Variants in VSIR observed in about 807,000 individuals in gnomAD.
VSIR encodes V-set immunoregulatory receptor.
A neutral mutation model predicts 31.0 loss-of-function variants in VSIR; 10 were observed. The ratio of observed to expected loss-of-function variants is 0.32; its 90% CI spans 0.20 to 0.55. VSIR has a LOEUF of 0.55. VSIR is among the 20% of genes least tolerant of loss of function. VSIR has a pLI of 0.93. For missense variants in VSIR, 356 were observed against 416.2 expected, an observed-to-expected ratio of 0.86 and a Z score of 1.26; for synonymous variants, 179 against 180.1, an observed-to-expected ratio of 0.99 and a Z score of 0.05.
intron 1 of VSIR, among the ~76,000 whole-genome samples, chr10:71,769,575 A>G (rs111625591): frequency 0.49 from 73,838 of 151,628 alleles, 18,966 homozygotes; most frequent in South Asian, 0.66. Flanking sequence ...AAACACCATC[A>G]TGGAATTAAC....
At chr10:71,755,502 A>G (rs1418247570) in intron 3 of VSIR, 36 bp from the exon 4 acceptor site, 1 of 1,563,028 alleles carries the variant, frequency 6.4e-7, no homozygotes, top group Non-Finnish European at 8.7e-7. Context: ...GTGAAGCCCC[A>G]TTCCCATTGC....
intron 1 of VSIR, among the ~76,000 whole-genome samples, chr10:71,762,988 G>A (rs1840433874): frequency 6.6e-6 from 1 of 152,128 alleles, no homozygotes; most frequent in African/African-American, 2.4e-5. Context: ...TTGGATAGAG[G>A]CCGCGTTTCT....
At chr10:71,757,816 A>T (rs1453264453) in intron 3 of VSIR, among the ~76,000 whole-genome samples, 1 of 152,192 alleles carries the variant, frequency 6.6e-6, no homozygotes, top group Non-Finnish European at 1.5e-5. Context: ...GGGTGAAAGC[A>T]GACAGCACAT....
intron 1 of VSIR, among the ~76,000 whole-genome samples, chr10:71,766,551 G>A (rs986432551): frequency 2.0e-5 from 3 of 152,182 alleles, no homozygotes; most frequent in Non-Finnish European, 2.9e-5. Context: ...CTGAGCCTCC[G>A]TTTCTTCATC....
At position 71,748,832 on chromosome 10, in the gene VSIR, C is replaced by G. The variant is rs1385967621; in HGVS notation, c.*2421G>C. 1 of 152,736 alleles carries G rather than the reference C, an allele frequency of 6.5e-6. No individual in the cohort carries two copies. The highest frequency in any genetic ancestry group is 1.9e-4 in the East Asian group (1 of 5,202). The allele number at this position is 152,736 out of a possible 1,614,324, so 9.5% of individuals were successfully genotyped here. A position where few individuals can be genotyped will look rare whatever the true frequency, so the allele number is the denominator to read the frequency against. On this transcript the variant is annotated 3_prime_UTR_variant, in exon 7 of 7. Coordinates refer to ENST00000394957, the MANE Select transcript of VSIR (RefSeq NM_022153.2). ...GCTCCAGCAGCCTGCCCCTCCCCAG[C>G]AGCAGCAGGGAGGGACGTCCCTAGT...
intron 1 of VSIR, among the ~76,000 whole-genome samples, chr10:71,765,655 G>A (rs1205558561): frequency 6.6e-6 from 1 of 152,174 alleles, no homozygotes; most frequent in Non-Finnish European, 1.5e-5. Context: ...GCGGGTGGGT[G>A]CATCAGAGAG....
At chr10:71,769,057 G>C (rs556789511) in intron 1 of VSIR, among the ~76,000 whole-genome samples, 1 of 152,320 alleles carries the variant, frequency 6.6e-6, no homozygotes, top group South Asian at 2.1e-4. Context: ...CAAATGTCAT[G>C]ACCAATGAAA....
rs1299334894 is a variant in VSIR, at chr10:71,751,037, C to T, written c.*216G>A. The T allele has an allele frequency of 1.1e-5, 6 of 543,650 alleles. No individual in the cohort carries two copies. The highest frequency in any genetic ancestry group is 9.8e-5 in the African/African-American group (5 of 51,066). The allele number at this position is 543,650 out of a possible 1,614,324, so 33.7% of individuals were successfully genotyped here. A position where few individuals can be genotyped will look rare whatever the true frequency, so the allele number is the denominator to read the frequency against. On this transcript the variant is annotated 3_prime_UTR_variant, in exon 7 of 7. Transcript: ENST00000394957. This position sits in a 1 kb window ranked among gnomAD's most constrained non-coding sequence, Gnocchi z 4.9. ...GTCTCTAGGGGAGAATCTCAGCACCCCAAAATCCTTGGAACAGGGGCTGAG... is the reference window on the plus strand; with the variant it reads ...GTCTCTAGGGGAGAATCTCAGCACCTCAAAATCCTTGGAACAGGGGCTGAG...
At position 71,755,354 on chromosome 10, in the gene VSIR, C is replaced by T; in HGVS notation, c.676+5G>A. On this transcript the variant is annotated splice_donor_5th_base_variant and intron_variant, in intron 4 of 6. Coordinates refer to ENST00000394957, the MANE Select transcript of VSIR (RefSeq NM_022153.2). ...CACCCACCCCAGGCAGGGAGGAATA[C>T]TCACGGCGGTTGGAGGCTGCCTGCC... 1 of 1,604,056 alleles carries T rather than the reference C, an allele frequency of 6.2e-7. No individual in the cohort carries two copies. Among genetic ancestry groups the T allele is most frequent in the Non-Finnish European group, 8.5e-7 (1 of 1,173,628 alleles).
chr10:71,748,101 G>A lies in VSIR; in HGVS notation c.*3152C>T, dbSNP rs976574419. ...TTAACCCAGCCCCCAGCACAGTCAGGCCAGCCCTGGGGAAGGCCTCATTCA... is the reference window on the plus strand; with the variant it reads ...TTAACCCAGCCCCCAGCACAGTCAGACCAGCCCTGGGGAAGGCCTCATTCA... On this transcript the variant is annotated 3_prime_UTR_variant, in exon 7 of 7. Transcript: ENST00000394957. 7 of 152,022 alleles carry A rather than the reference G, an allele frequency of 4.6e-5. No homozygotes were observed. The highest frequency in any genetic ancestry group is 1.7e-4 in the African/African-American group (7 of 41,292). The allele number at this position is 152,022 out of a possible 1,614,324, so 9.4% of individuals were successfully genotyped here.
Position 71,760,306 on chromosome 10 carries a change from T to C in VSIR, c.568+562A>G, listed in dbSNP as rs571580947. On this transcript the variant is annotated intron_variant, in intron 3 of 6. Transcript: ENST00000394957. ...GTATATATGTGTATATATATGTATA[T>C]ACACACACATATATATATATATATA... is the stretch of plus-strand genomic sequence containing the variant. Among the ~76,000 whole-genome samples the C allele has an allele frequency of 4.6e-5, 4 of 86,496 alleles. 1 individual carries two copies. The highest frequency in any genetic ancestry group is 2.3e-4 in the East Asian group (1 of 4,296). The allele number at this position is 86,496 out of a possible 152,430, so 56.7% of individuals were successfully genotyped here.
At chr10:71,756,362 T>C (rs1345790402) in intron 3 of VSIR, among the ~76,000 whole-genome samples, 1 of 152,154 alleles carries the variant, frequency 6.6e-6, no homozygotes, top group Non-Finnish European at 1.5e-5. Flanking sequence ...TCATTCTGCT[T>C]AGAGTTTTAT....
intron 1 of VSIR, among the ~76,000 whole-genome samples, chr10:71,770,746 C>T (rs1840666717): frequency 6.6e-6 from 1 of 152,220 alleles, no homozygotes; most frequent in Non-Finnish European, 1.5e-5. Flanking sequence ...CAGCAGCACA[C>T]TCCTGCCTGG....
intron 3 of VSIR, among the ~76,000 whole-genome samples, chr10:71,755,761 G>C (rs1387377942): frequency 6.6e-6 from 1 of 152,156 alleles, no homozygotes; most frequent in Non-Finnish European, 1.5e-5. Flanking sequence ...CAGCCCACAA[G>C]GTACAGCTGG....
At position 71,761,670 on chromosome 10, in the gene VSIR, G is replaced by C; in HGVS notation, c.439C>G (p.Leu147Val). Reference sequence around the variant, plus strand: ...TGGTGGTGCCTGATCTCCACCACCAGGCAGCAGTAGAGGCCGCTATCCAGC... The same window carrying C: ...TGGTGGTGCCTGATCTCCACCACCACGCAGCAGTAGAGGCCGCTATCCAGC... ...TLLDSGLYCCLVVEIRHHHSE... is the reference protein window; with the variant it reads ...TLLDSGLYCCVVVEIRHHHSE... The change falls in exon 2 of 7, where the codon CTG (leucine) becomes GTG (valine). Residue 147 changes from leucine to valine, a missense_variant. Physicochemically the swap from Leu to Val is conservative, Grantham distance 32. This residue lies in a region of VSIR where 166 missense variants were observed against 231.0 expected (regional missense o/e 0.72). Transcript: ENST00000394957. 6.2e-7 allele frequency: 1 copy of C among 1,613,718 alleles called. No individual in the cohort carries two copies. The highest frequency in any genetic ancestry group is 1.1e-5 in the South Asian group (1 of 91,068).
intron 4 of VSIR, among the ~76,000 whole-genome samples, chr10:71,754,803 C>A (rs1001908640): frequency 6.6e-6 from 1 of 152,154 alleles, no homozygotes; most frequent in Non-Finnish European, 1.5e-5. Context: ...AAAGAGCATG[C>A]GTTGAAAGCT....
Position 71,750,968 on chromosome 10 carries a change from C to A in VSIR, c.*285G>T. The A allele has an allele frequency of 2.4e-6, 1 of 410,602 alleles. No homozygotes were observed. Among genetic ancestry groups the A allele is most frequent in the South Asian group, 4.7e-5 (1 of 21,126 alleles). The allele number at this position is 410,602 out of a possible 1,614,324, so 25.4% of individuals were successfully genotyped here. A position where few individuals can be genotyped will look rare whatever the true frequency, so the allele number is the denominator to read the frequency against. ...TGAAGGGCTGGACGTTCTGAGACTT[C>A]TTAAGATGTAAGTCATTTGGCATCT... is the stretch of plus-strand genomic sequence containing the variant. On this transcript the variant is annotated 3_prime_UTR_variant, in exon 7 of 7. Coordinates refer to ENST00000394957, the MANE Select transcript of VSIR (RefSeq NM_022153.2).
At position 71,750,746 on chromosome 10, in the gene VSIR, G is replaced by T. The variant is rs1839976200; in HGVS notation, c.*507C>A. ...GATGGCCAGTGGGCAGGCAGGCCTG[G>T]CCCCAGAGCCACTGTGGTACAAAGA... On this transcript the variant is annotated 3_prime_UTR_variant, in exon 7 of 7. Transcript: ENST00000394957. The T allele has an allele frequency of 6.5e-6, 1 of 153,278 alleles. No homozygotes were observed. Among genetic ancestry groups the T allele is most frequent in the Non-Finnish European group, 1.5e-5 (1 of 68,718 alleles). The allele number at this position is 153,278 out of a possible 1,614,324, so 9.5% of individuals were successfully genotyped here. A position where few individuals can be genotyped will look rare whatever the true frequency, so the allele number is the denominator to read the frequency against.
rs756555317 is a variant in VSIR, at chr10:71,773,425, C to T, written c.15G>A (p.Thr5=). MGVP[T]ALEAGSWRWG... ...AGCGCCAGCTGCCGGCCTCCAGGGCCGTGGGGACGCCCATGTCGCCGTCGG... is the reference window on the plus strand; with the variant it reads ...AGCGCCAGCTGCCGGCCTCCAGGGCTGTGGGGACGCCCATGTCGCCGTCGG... The change falls in exon 1 of 7, where the codon ACG becomes ACA. Residue 5 remains threonine, a synonymous_variant. Coordinates refer to ENST00000394957, the MANE Select transcript of VSIR (RefSeq NM_022153.2). 9 of 1,601,598 alleles carry T rather than the reference C, an allele frequency of 5.6e-6. No homozygotes were observed. Among genetic ancestry groups the T allele is most frequent in the East Asian group, 2.3e-5 (1 of 44,384 alleles).
Sources: gnomAD v4.1 joint callset for allele counts (sites outside exome capture counted in the v4.1 genomes callset) on GRCh38, gnomAD v4.1.1 for gene constraint, gnomAD v4.1.1 regional missense constraint, Gnocchi (gnomAD v3.1) non-coding constraint, MANE v1.5 for transcripts, NCBI Gene and HGNC (gene_info 2026-07-23, HGNC 2026-07-21) for gene names.